The following KPNA1 variants were observed in gnomAD, a reference collection of about 807,000 sequenced individuals.
KPNA1 encodes importin subunit alpha-5.
A neutral mutation model predicts 70.5 loss-of-function variants in KPNA1; 10 were observed. That is an observed-to-expected ratio of 0.14 (90% CI 0.09 to 0.24). The LOEUF is 0.24. Among genes scored for constraint, KPNA1 ranks in the 10% least tolerant of loss-of-function variants. The pLI, the probability that KPNA1 is intolerant of heterozygous loss-of-function variation, is 1.00. For missense variants in KPNA1, 397 were observed against 637.9 expected, an observed-to-expected ratio of 0.62 and a Z score of 4.07; for synonymous variants, 192 against 221.9, an observed-to-expected ratio of 0.87 and a Z score of 1.20.
At chr3:122,485,155 C>T (rs922503105) in intron 2 of KPNA1, among the ~76,000 whole-genome samples, 4 of 152,174 alleles carry the variant, frequency 2.6e-5, no homozygotes, top group African/African-American at 9.7e-5. Flanking sequence ...CTTAAGCAAT[C>T]TTCCCGCCTC....
At chr3:122,468,924 GAC>G (rs1381695128) in intron 2 of KPNA1, among the ~76,000 whole-genome samples, 2 of 152,126 alleles carry the variant, frequency 1.3e-5, no homozygotes, top group African/African-American at 4.8e-5. Flanking sequence ...AAAAAGGACT[GAC>G]ACAAATAGAA....
chr3:122,509,405 T>C (rs4470444), intron 1 of KPNA1, among the ~76,000 whole-genome samples: 77,425 of 151,996 alleles, frequency 0.51, 20,209 homozygotes, highest in East Asian at 0.65. Context: ...TATACAGGTC[T>C]ATAATAATGT....
At chr3:122,450,492 G>A (rs760753865) in intron 8 of KPNA1, among the ~76,000 whole-genome samples, 9 of 152,180 alleles carry the variant, frequency 5.9e-5, no homozygotes, top group Non-Finnish European at 1.2e-4. Context: ...TGAGGCAGGA[G>A]AATCACTTGA....
chr3:122,463,768 T>C (rs921934613), intron 4 of KPNA1, among the ~76,000 whole-genome samples, 174 bp downstream of exon 4: 1 of 152,164 alleles, frequency 6.6e-6, no homozygotes, highest in African/African-American at 2.4e-5. Flanking sequence ...ATCCCACAAA[T>C]AAATAGGAAA....
At chr3:122,492,011 G>A (rs868350256) in intron 2 of KPNA1, among the ~76,000 whole-genome samples, 45 of 151,152 alleles carry the variant, frequency 3.0e-4, no homozygotes, top group African/African-American at 1.0e-3. Flanking sequence ...ACAGGCGCGC[G>A]CCACCATGCC....
At chr3:122,474,303 A>G (rs2076474577) in intron 2 of KPNA1, among the ~76,000 whole-genome samples, 1 of 152,226 alleles carries the variant, frequency 6.6e-6, no homozygotes, top group Non-Finnish European at 1.5e-5. Flanking sequence ...CAATGCAATT[A>G]CAATCCCAGA....
At chr3:122,493,118 A>G (rs1323542227) in intron 2 of KPNA1, among the ~76,000 whole-genome samples, 3 of 152,218 alleles carry the variant, frequency 2.0e-5, no homozygotes, top group Non-Finnish European at 4.4e-5. Context: ...GTTATCATCA[A>G]TACTTCATCA....
rs184017037 is a variant in KPNA1, at chr3:122,502,271, C to A, written c.-5-5701G>T. Among the ~76,000 whole-genome samples, 172 of 152,218 alleles carry A rather than the reference C, an allele frequency of 1.1e-3. 1 individual carries two copies. The highest frequency in any genetic ancestry group is 4.0e-3 in the African/African-American group (167 of 41,514). On this transcript the variant is annotated intron_variant, in intron 1 of 13. Coordinates refer to ENST00000344337, the MANE Select transcript of KPNA1 (RefSeq NM_002264.4). ...CTGAGAGAGACTGAATTGTGCCGTC[C>A]CCTCAAAACTCTTATGTTGACACCC... is the stretch of plus-strand genomic sequence containing the variant.
At position 122,451,643 on chromosome 3, in the gene KPNA1, C is replaced by T. The variant is rs774175758; in HGVS notation, c.654-10G>A. ...TTGCTTTGAAAATAACCTAAAAGCA[C>T]GATGGTACAATGGTAAACTATGTAA... On this transcript the variant is annotated splice_polypyrimidine_tract_variant and intron_variant, in intron 7 of 13. Coordinates refer to ENST00000344337, the MANE Select transcript of KPNA1 (RefSeq NM_002264.4). The T allele has an allele frequency of 6.4e-6, 10 of 1,561,512 alleles. No individual in the cohort carries two copies. Among genetic ancestry groups the T allele is most frequent in the Non-Finnish European group, 8.8e-6 (10 of 1,132,738 alleles).
At chr3:122,442,195 C>CA (rs1475740697) in intron 9 of KPNA1, 79 bp from the exon 10 acceptor site, 33 of 1,123,678 alleles carry the variant, frequency 2.9e-5, no homozygotes, top group Non-Finnish European at 4.1e-5. Context: ...AATTAAAAAA[C>CA]AAAAAAATTG....
intron 10 of KPNA1, among the ~76,000 whole-genome samples, chr3:122,440,343 T>G (rs1326816639): frequency 1.3e-5 from 2 of 152,086 alleles, no homozygotes; most frequent in Non-Finnish European, 2.9e-5. Flanking sequence ...GAGCAGAGAA[T>G]GTGGATATGT....
At chr3:122,479,775 A>G (rs2076549747) in intron 2 of KPNA1, among the ~76,000 whole-genome samples, 1 of 151,940 alleles carries the variant, frequency 6.6e-6, no homozygotes, top group South Asian at 2.1e-4. Context: ...CAACAACAAA[A>G]ATTAACTCTT....
At chr3:122,476,543 T>C (rs2076499598) in intron 2 of KPNA1, among the ~76,000 whole-genome samples, 1 of 151,934 alleles carries the variant, frequency 6.6e-6, no homozygotes, top group African/African-American at 2.4e-5. Context: ...ATATCCAAAA[T>C]ATATAAGGAA....
intron 2 of KPNA1, among the ~76,000 whole-genome samples, chr3:122,488,255 T>C (rs1345156903): frequency 6.6e-6 from 1 of 152,208 alleles, no homozygotes; most frequent in Non-Finnish European, 1.5e-5. Context: ...GCACAGTGGC[T>C]CACTCCTGTA....
chr3:122,488,243 G>A (rs891960405), intron 2 of KPNA1, among the ~76,000 whole-genome samples: 2 of 152,134 alleles, frequency 1.3e-5, no homozygotes, highest in Non-Finnish European at 2.9e-5. Context: ...ATCCGGGACT[G>A]GGCACAGTGG....
intron 6 of KPNA1, 75 bp downstream of exon 6, chr3:122,453,795 G>C: frequency 7.0e-7 from 1 of 1,422,614 alleles, no homozygotes; most frequent in Non-Finnish European, 9.5e-7. Context: ...CTCCCAAAAT[G>C]TTGGGATTAC....
At chr3:122,459,660 A>G in intron 5 of KPNA1, 1 of 985,506 alleles carries the variant, frequency 1.0e-6, no homozygotes, top group African/African-American at 1.7e-5. Flanking sequence ...GATGGGGACC[A>G]GAATTACAAT....
At chr3:122,504,324 T>C (rs570074939) in intron 1 of KPNA1, among the ~76,000 whole-genome samples, 3 of 152,302 alleles carry the variant, frequency 2.0e-5, no homozygotes, top group South Asian at 2.1e-4. Context: ...TGTATTCACA[T>C]AGCAGAAGGG....
intron 8 of KPNA1, among the ~76,000 whole-genome samples, chr3:122,450,538 C>T (rs1468235805): frequency 6.6e-6 from 1 of 152,120 alleles, no homozygotes; most frequent in African/African-American, 2.4e-5. Context: ...GCCGAGACCG[C>T]GCCACTGCAC....
Sources: gnomAD v4.1 joint callset for allele counts (sites outside exome capture counted in the v4.1 genomes callset) on GRCh38, gnomAD v4.1.1 for gene constraint, MANE v1.5 for transcripts, NCBI Gene and HGNC (gene_info 2026-07-23, HGNC 2026-07-21) for gene names.